Variants in ATG10 observed in about 807,000 individuals in gnomAD.
The protein encoded by ATG10 is autophagy related 10, also known as ubiquitin-like-conjugating enzyme ATG10.
A neutral mutation model predicts 32.1 loss-of-function variants in ATG10; 30 were observed. The ratio of observed to expected loss-of-function variants is 0.94; its 90% confidence interval spans 0.70 to 1.27. The LOEUF (loss-of-function observed/expected upper bound fraction) is 1.27, where lower values mean the gene tolerates loss of function less well. Among genes scored for constraint, ATG10 ranks in the 50% most tolerant of loss-of-function variants. The probability of loss-of-function intolerance (pLI) is 0.00; values close to 1 mark genes in which losing one functional copy is unlikely to be tolerated. For synonymous variants in ATG10, 87 were observed against 91.5 expected (o/e 0.95, Z 0.28); for missense variants, 233 against 262.3 (o/e 0.89, Z 0.77).
intron 5 of ATG10, among the ~76,000 whole-genome samples, chr5:82,232,147 GCAA>G (rs1181471580): frequency 6.6e-6 from 1 of 152,088 alleles, no homozygotes; most frequent in African/African-American, 2.4e-5. Context: ...GGGGTGTGCC[GCAA>G]CACACCTAGC....
intron 5 of ATG10, among the ~76,000 whole-genome samples, chr5:82,216,288 G>A (rs1176802748): frequency 6.6e-6 from 1 of 152,162 alleles, no homozygotes; most frequent in Non-Finnish European, 1.5e-5. Context: ...TTTCGCTCTG[G>A]CCTGGAGCCA....
chr5:81,999,599 G>GT (rs1163359828), intron 2 of ATG10, among the ~76,000 whole-genome samples: 2 of 152,038 alleles, frequency 1.3e-5, no homozygotes, highest in Non-Finnish European at 2.9e-5. Context: ...CTAAGAATTG[G>GT]TTTTTTGAAG....
rs142523454 is a variant in ATG10, at chr5:82,028,656, A to G, written c.109-29839A>G. On this transcript the variant is annotated intron_variant, in intron 2 of 7. Transcript: ENST00000282185. ...TTCAGTTTTATGTATACAACTTTGC[A>G]CTGTTTCATACTAAAGTGCAGTAGA... Among the ~76,000 whole-genome samples, 5 of 152,330 alleles carry G rather than the reference A, an allele frequency of 3.3e-5. No homozygotes were observed. The East Asian group carries it at 9.6e-4, about 29-fold the overall frequency.
chr5:82,104,172 G>A (rs534107192), intron 3 of ATG10, among the ~76,000 whole-genome samples: 124 of 151,922 alleles, frequency 8.2e-4, no homozygotes, highest in African/African-American at 2.6e-3. Flanking sequence ...CTTTTTTGGC[G>A]AACATCTGTA....
At chr5:82,019,480 T>A (rs1762379389) in intron 2 of ATG10, among the ~76,000 whole-genome samples, 1 of 152,108 alleles carries the variant, frequency 6.6e-6, no homozygotes, top group Non-Finnish European at 1.5e-5. Flanking sequence ...TTTTCTATAT[T>A]TGGATTGCTA....
At chr5:82,037,888 T>C (rs1762981869) in intron 2 of ATG10, among the ~76,000 whole-genome samples, 1 of 152,212 alleles carries the variant, frequency 6.6e-6, no homozygotes, top group African/African-American at 2.4e-5. Flanking sequence ...GAATGCATTA[T>C]TCATTTGTGG....
At chr5:82,092,627 A>C (rs1764929975) in intron 3 of ATG10, among the ~76,000 whole-genome samples, 1 of 152,150 alleles carries the variant, frequency 6.6e-6, no homozygotes, top group Non-Finnish European at 1.5e-5. Context: ...GGGTAGCCCA[A>C]GCTTCTTTAC....
intron 5 of ATG10, among the ~76,000 whole-genome samples, chr5:82,220,619 A>ATC (rs199724495): frequency 4.3e-5 from 6 of 138,826 alleles, no homozygotes; most frequent in Middle Eastern, 4.1e-3. Flanking sequence ...CATGTACTCC[A>ATC]TCTCTCTCTC....
intron 5 of ATG10, among the ~76,000 whole-genome samples, chr5:82,229,839 T>C (rs1581829374): frequency 6.6e-6 from 1 of 152,058 alleles, no homozygotes; most frequent in South Asian, 2.1e-4. Context: ...GGCAGGGAGG[T>C]AGGGGGGTCC....
chr5:82,061,267 A>G (rs943199872), intron 3 of ATG10, among the ~76,000 whole-genome samples: 4 of 152,226 alleles, frequency 2.6e-5, no homozygotes, highest in East Asian at 1.9e-4. Flanking sequence ...GGAAGATTAC[A>G]TATACATATA....
chr5:82,018,488 A>G (rs1424999483), intron 2 of ATG10, among the ~76,000 whole-genome samples: 1 of 152,202 alleles, frequency 6.6e-6, no homozygotes, highest in African/African-American at 2.4e-5. Flanking sequence ...CTCAACTCAG[A>G]TTAAAAGCCA....
At chr5:82,047,721 A>T (rs1449308016) in intron 2 of ATG10, among the ~76,000 whole-genome samples, 2 of 152,132 alleles carry the variant, frequency 1.3e-5, no homozygotes, top group Admixed American at 1.3e-4. Context: ...TATACTACTC[A>T]TAGGAAGTCA....
chr5:82,072,829 A>C (rs1561284370), intron 3 of ATG10, among the ~76,000 whole-genome samples: 1 of 152,158 alleles, frequency 6.6e-6, no homozygotes, highest in Non-Finnish European at 1.5e-5. Flanking sequence ...GAAACCTGTG[A>C]TAGACTGAAT....
At chr5:82,093,107 A>T (rs1764945998) in intron 3 of ATG10, among the ~76,000 whole-genome samples, 1 of 152,138 alleles carries the variant, frequency 6.6e-6, no homozygotes, top group Admixed American at 6.6e-5. Flanking sequence ...AAGCAATTTG[A>T]TTATGCTTGG....
At chr5:82,188,338 C>T (rs1356999785) in intron 5 of ATG10, among the ~76,000 whole-genome samples, 1 of 152,172 alleles carries the variant, frequency 6.6e-6, no homozygotes, top group Non-Finnish European at 1.5e-5. Flanking sequence ...TGACTCAGCA[C>T]ATGCTTTGAA....
chr5:82,076,615 A>T (rs996549842), intron 3 of ATG10, among the ~76,000 whole-genome samples: 10 of 152,190 alleles, frequency 6.6e-5, no homozygotes, highest in African/African-American at 2.2e-4. Context: ...TGATTATAGT[A>T]ATATTCTCAG....
At chr5:82,015,576 T>A (rs939381488) in intron 2 of ATG10, among the ~76,000 whole-genome samples, 1 of 152,224 alleles carries the variant, frequency 6.6e-6, no homozygotes, top group Non-Finnish European at 1.5e-5. Flanking sequence ...ATTCATTCAT[T>A]TGATCTTCCA....
intron 3 of ATG10, among the ~76,000 whole-genome samples, chr5:82,119,724 G>T (rs1038151958): frequency 9.2e-5 from 14 of 152,142 alleles, no homozygotes; most frequent in African/African-American, 3.4e-4. Flanking sequence ...GCCTCCCAAA[G>T]TGCTGGGATT....
chr5:82,140,366 G>A (rs1767045797), intron 3 of ATG10, among the ~76,000 whole-genome samples: 1 of 6,116 alleles, frequency 1.6e-4, no homozygotes, highest in Admixed American at 1.3e-3. Flanking sequence ...CGTCCGGGAG[G>A]GAGGTGGGGG....
Sources: allele counts gnomAD v4.1 joint callset (sites outside exome capture counted in the v4.1 genomes callset), GRCh38; gene constraint gnomAD v4.1.1; transcripts MANE v1.5; gene names NCBI Gene and HGNC (gene_info 2026-07-23, HGNC 2026-07-21).